The following ETV1 variants were observed in gnomAD, a reference collection of about 807,000 sequenced individuals.
ETV1 encodes the protein ETS translocation variant 1.
ETV1 carries 27 observed loss-of-function variants against 62.3 expected under a neutral mutation model. The ratio of observed to expected loss-of-function variants is 0.43; its 90% CI spans 0.32 to 0.60. ETV1 has a LOEUF of 0.60. ETV1 is among the 20% of genes least tolerant of loss of function. The pLI is 0.06. For synonymous variants in ETV1, 222 were observed against 199.6 expected (o/e 1.11, Z -0.94); for missense variants, 605 against 605.8 (o/e 1.00, Z 0.01).
At chr7:13,938,609 T>G (rs1787090567) in intron 7 of ETV1, among the ~76,000 whole-genome samples, 1 of 152,242 alleles carries the variant, frequency 6.6e-6, no homozygotes, top group Non-Finnish European at 1.5e-5. Context: ...TGCACCACCC[T>G]TTATTATCAT....
At chr7:13,924,119 C>G (rs574921379) in intron 9 of ETV1, among the ~76,000 whole-genome samples, 3 of 152,068 alleles carry the variant, frequency 2.0e-5, no homozygotes, top group Admixed American at 6.6e-5. Context: ...TTCTTTACAT[C>G]GATTTGAGAT....
At chr7:13,959,566 G>A (rs1026177112) in intron 6 of ETV1, among the ~76,000 whole-genome samples, 5 of 152,138 alleles carry the variant, frequency 3.3e-5, no homozygotes, top group African/African-American at 9.6e-5. Context: ...AAAATGGAAT[G>A]AGTCTCAAAA....
chr7:13,970,100 CA>C (rs577603482), intron 6 of ETV1, among the ~76,000 whole-genome samples: 32 of 143,776 alleles, frequency 2.2e-4, no homozygotes, highest in Admixed American at 4.2e-4. Context: ...ACTAAAAATA[CA>C]AAAAAAAAAA....
chr7:13,914,618 TAAA>T (rs77923443), intron 9 of ETV1, among the ~76,000 whole-genome samples: 21 of 118,970 alleles, frequency 1.8e-4, no homozygotes, highest in Admixed American at 3.4e-4. Flanking sequence ...GACAAGAAAC[TAAA>T]AAAAAAAAAA....
intron 5 of ETV1, 90 bp downstream of exon 5, chr7:13,986,547 TG>T (rs1172590340): frequency 7.6e-6 from 12 of 1,584,756 alleles, no homozygotes; most frequent in Non-Finnish European, 1.0e-5. Context: ...CTCAATTAAT[TG>T]GGCTGAATAT....
At chr7:13,935,268 A>G (rs1179918513) in intron 8 of ETV1, among the ~76,000 whole-genome samples, 1 of 152,210 alleles carries the variant, frequency 6.6e-6, no homozygotes, top group Non-Finnish European at 1.5e-5. Flanking sequence ...AATAAGTTAT[A>G]TTCTGCAAAA....
chr7:13,934,025 A>G (rs982003618), intron 8 of ETV1, among the ~76,000 whole-genome samples: 16 of 152,226 alleles, frequency 1.1e-4, no homozygotes, highest in Admixed American at 9.2e-4. Flanking sequence ...AGATTCAGTT[A>G]TCAAGAACTC....
At chr7:13,924,277 A>G (rs1016867653) in intron 9 of ETV1, among the ~76,000 whole-genome samples, 1 of 152,152 alleles carries the variant, frequency 6.6e-6, no homozygotes, top group African/African-American at 2.4e-5. Flanking sequence ...CTCAAACTCT[A>G]TGTTCATGCA....
intron 10 of ETV1, 66 bp downstream of exon 10, chr7:13,911,173 T>C: frequency 9.6e-7 from 1 of 1,046,326 alleles, no homozygotes; most frequent in Non-Finnish European, 1.5e-6. Flanking sequence ...TTAAATGACG[T>C]CATATTTGGG....
At chr7:13,970,659 C>T (rs1368930930) in intron 6 of ETV1, among the ~76,000 whole-genome samples, 3 of 151,926 alleles carry the variant, frequency 2.0e-5, no homozygotes, top group Non-Finnish European at 2.9e-5. Context: ...AAAACTTAAT[C>T]GGGCAAGAAA....
At chr7:13,920,760 G>A (rs1307292740) in intron 9 of ETV1, among the ~76,000 whole-genome samples, 1 of 152,138 alleles carries the variant, frequency 6.6e-6, no homozygotes, top group Admixed American at 6.5e-5. Flanking sequence ...GCATATTTAA[G>A]TATTTCTTAG....
At chr7:13,991,359 A>C (rs1055673378), upstream of ETV1, 3 of 152,346 alleles carry the variant, frequency 2.0e-5, no homozygotes, top group Non-Finnish European at 4.4e-5. Context: ...ACGGGTATCC[A>C]GGGTAACCGC....
At chr7:13,906,354 G>T (rs149316422) in intron 12 of ETV1, 76 bp downstream of exon 12, 2 of 937,046 alleles carry the variant, frequency 2.1e-6, no homozygotes, top group Non-Finnish European at 3.0e-6. Flanking sequence ...TACATTTTTG[G>T]TATATTAATC....
intron 12 of ETV1, among the ~76,000 whole-genome samples, chr7:13,902,107 C>T (rs891201555): frequency 1.3e-5 from 2 of 152,138 alleles, no homozygotes; most frequent in Admixed American, 1.3e-4. Context: ...AGCTGCCACG[C>T]AAACCTAGGC....
rs1014421409 is a variant in ETV1 at position 13,894,635 on chromosome 7, T to A, written c.*1231A>T. On this transcript the variant is annotated 3_prime_UTR_variant, in exon 14 of 14. Transcript: ENST00000430479. The stretch of plus-strand genomic sequence containing the variant: ...GCATAGCATGGCGTAAGCTATTTTT[T>A]AAGCAATAAATGGTTTGAGTCATCT... 9 of 232,676 alleles carry A rather than the reference T, an allele frequency of 3.9e-5. No individual in the cohort carries two copies. The highest frequency in any genetic ancestry group is 5.6e-5 in the Admixed American group (1 of 17,768). 14.4% of individuals were successfully genotyped at this position (232,676 alleles called of 1,614,324 possible).
intron 12 of ETV1, among the ~76,000 whole-genome samples, chr7:13,902,847 G>C (rs1583566591): frequency 6.6e-6 from 1 of 152,152 alleles, no homozygotes; most frequent in Non-Finnish European, 1.5e-5. Context: ...CACAGAGTTT[G>C]ATACTTATCA....
intron 12 of ETV1, among the ~76,000 whole-genome samples, chr7:13,903,752 G>C (rs975705223): frequency 9.0e-6 from 1 of 110,980 alleles, no homozygotes; most frequent in African/African-American, 3.9e-5. Context: ...GACAGAGTGA[G>C]ATTCCATCTC....
rs562084786 is a variant in ETV1, at chr7:13,893,280, C to T, written c.*2586G>A. 3 of 232,124 alleles carry T rather than the reference C, an allele frequency of 1.3e-5. No individual in the cohort carries two copies. Among genetic ancestry groups the T allele is most frequent in the African/African-American group, 4.4e-5 (2 of 45,286 alleles). The allele number at this position is 232,124 out of a possible 1,614,324, so 14.4% of individuals were successfully genotyped here. A position where few individuals can be genotyped will look rare whatever the true frequency, so the allele number is the denominator to read the frequency against. ...CAAAACACAAGAATCTTGCAGAAATCAGCTGCCAGATTTATTAATCTACCT... is the reference window on the plus strand; with the variant it reads ...CAAAACACAAGAATCTTGCAGAAATTAGCTGCCAGATTTATTAATCTACCT... On this transcript the variant is annotated 3_prime_UTR_variant, in exon 14 of 14. Transcript: ENST00000430479.
intron 4 of ETV1, 184 bp from the exon 5 acceptor site, chr7:13,986,869 A>T (rs187634525): frequency 1.8e-6 from 1 of 544,316 alleles, no homozygotes; most frequent in Admixed American, 3.7e-5. Context: ...TTTCATGCCT[A>T]TTAAGCAACT....
Sources: allele counts gnomAD v4.1 joint callset (sites outside exome capture counted in the v4.1 genomes callset), GRCh38; gene constraint gnomAD v4.1.1; transcripts MANE v1.5; gene names NCBI Gene and HGNC (gene_info 2026-07-23, HGNC 2026-07-21).